PARN: variants seen among roughly 807,000 people sequenced by gnomAD.
The protein encoded by PARN is poly(A)-specific ribonuclease PARN.
A neutral mutation model predicts 102.8 loss-of-function variants in PARN; 71 were observed. The observed-to-expected ratio is 0.69, with a 90% CI of 0.57 to 0.84. PARN has a LOEUF of 0.84. Among genes scored for constraint, PARN ranks in the 40% least tolerant of loss-of-function variants. The pLI is 0.00. For synonymous variants in PARN, 261 were observed against 252.9 expected (o/e 1.03, Z -0.30); for missense variants, 782 against 760.9 (o/e 1.03, Z -0.33).
At chr16:14,497,499 T>G (rs568679824) in intron 21 of PARN, among the ~76,000 whole-genome samples, 1 of 152,294 alleles carries the variant, frequency 6.6e-6, no homozygotes, top group African/African-American at 2.4e-5. Context: ...ACCACCTGCA[T>G]CAAGACAACA....
chr16:14,443,964 G>A (rs1244050485), intron 23 of PARN, among the ~76,000 whole-genome samples: 12 of 152,178 alleles, frequency 7.9e-5, no homozygotes, highest in East Asian at 1.9e-4. Context: ...GCCACCACCC[G>A]AACCAGACCT....
intron 21 of PARN, among the ~76,000 whole-genome samples, chr16:14,512,632 G>A (rs1486162368): frequency 2.0e-5 from 3 of 152,160 alleles, no homozygotes; most frequent in East Asian, 1.9e-4. Flanking sequence ...CTTCAGCTTC[G>A]TTTTACTCAG....
intron 21 of PARN, among the ~76,000 whole-genome samples, chr16:14,497,978 G>T (rs1175001825): frequency 6.6e-6 from 1 of 152,094 alleles, no homozygotes; most frequent in African/African-American, 2.4e-5. Context: ...ACAGAAATGA[G>T]CTGGGTGTGG....
intron 22 of PARN, among the ~76,000 whole-genome samples, chr16:14,463,844 G>C (rs536970952): frequency 8.4e-5 from 12 of 142,720 alleles, no homozygotes; most frequent in Admixed American, 2.7e-4. Context: ...TTTTTGGGGG[G>C]GGGGGGACGA....
intron 23 of PARN, among the ~76,000 whole-genome samples, chr16:14,446,643 G>C (rs761830205): frequency 2.2e-4 from 34 of 152,126 alleles, no homozygotes; most frequent in Non-Finnish European, 4.4e-4. Context: ...AGGAGAGAGA[G>C]ATTACCAAAA....
chr16:14,480,426 A>C (rs1284708580), intron 22 of PARN, among the ~76,000 whole-genome samples: 2 of 152,248 alleles, frequency 1.3e-5, no homozygotes, highest in African/African-American at 4.8e-5. Flanking sequence ...CACGTGCAGC[A>C]AAAATATCTG....
At chr16:14,537,423 G>C (rs553205356) in intron 21 of PARN, among the ~76,000 whole-genome samples, 1 of 152,230 alleles carries the variant, frequency 6.6e-6, no homozygotes, top group Non-Finnish European at 1.5e-5. Flanking sequence ...ATACAATTCA[G>C]CAATCCCACT....
chr16:14,588,584 A>C (rs1969993437), intron 13 of PARN, among the ~76,000 whole-genome samples: 2 of 152,200 alleles, frequency 1.3e-5, no homozygotes, highest in African/African-American at 4.8e-5. Context: ...CATTGCTTTA[A>C]AGATCAAAAA....
chr16:14,546,642 C>G (rs919949806), intron 21 of PARN, among the ~76,000 whole-genome samples: 15 of 152,100 alleles, frequency 9.9e-5, no homozygotes, highest in Admixed American at 5.2e-4. Context: ...GACACAATGT[C>G]CTACGATGCA....
chr16:14,629,410 C>T (rs1231998447), intron 2 of PARN, among the ~76,000 whole-genome samples, 187 bp downstream of exon 2: 1 of 152,226 alleles, frequency 6.6e-6, no homozygotes, highest in African/African-American at 2.4e-5. Context: ...CACAAACCTA[C>T]GGCGTATCTT....
rs1960685117 is a variant in PARN, at chr16:14,436,159, T to A, written c.*558A>T. The A allele has an allele frequency of 6.5e-6, 1 of 154,126 alleles. No homozygotes were observed. Among genetic ancestry groups the A allele is most frequent in the Non-Finnish European group, 1.4e-5 (1 of 69,192 alleles). 9.5% of individuals were successfully genotyped at this position (154,126 alleles called of 1,614,324 possible). On this transcript the variant is annotated 3_prime_UTR_variant, in exon 24 of 24. Coordinates refer to ENST00000437198, the MANE Select transcript of PARN (RefSeq NM_002582.4). ...CGGCAAGCCCTCTCATGGGTGGGCATGAGTGGACATCTTCCTGAAGGAAGG... is the reference window on the plus strand; with the variant it reads ...CGGCAAGCCCTCTCATGGGTGGGCAAGAGTGGACATCTTCCTGAAGGAAGG...
At chr16:14,477,460 C>G (rs1963128186) in intron 22 of PARN, among the ~76,000 whole-genome samples, 1 of 146,418 alleles carries the variant, frequency 6.8e-6, no homozygotes, top group African/African-American at 2.5e-5. Context: ...AAAACATAAC[C>G]CTGATACCAA....
intron 23 of PARN, among the ~76,000 whole-genome samples, chr16:14,438,449 G>GA (rs1018523381): frequency 1.3e-5 from 2 of 150,082 alleles, no homozygotes; most frequent in African/African-American, 4.9e-5. Context: ...GTTGGGGGGG[G>GA]GGGTGTGTGA....
At chr16:14,460,092 T>C in intron 22 of PARN, among the ~76,000 whole-genome samples, 1 of 152,064 alleles carries the variant, frequency 6.6e-6, no homozygotes, top group East Asian at 1.9e-4. Flanking sequence ...CATGTAGATA[T>C]AAGAAGCGTA....
chr16:14,456,650 C>T (rs1170377084), intron 22 of PARN, among the ~76,000 whole-genome samples: 1 of 152,036 alleles, frequency 6.6e-6, no homozygotes, highest in African/African-American at 2.4e-5. Context: ...ATTTTGCAGA[C>T]AAGAAACCTC....
intron 5 of PARN, among the ~76,000 whole-genome samples, chr16:14,621,082 G>A (rs187881807): frequency 1.3e-4 from 20 of 152,178 alleles, no homozygotes; most frequent in East Asian, 1.9e-4. Flanking sequence ...CACTTCCATC[G>A]TGTCCAGGCT....
At chr16:14,571,147 G>T (rs1225130063) in intron 18 of PARN, among the ~76,000 whole-genome samples, 1 of 152,068 alleles carries the variant, frequency 6.6e-6, no homozygotes. Flanking sequence ...ACTTTGGGAG[G>T]CTAGGGTGGG....
intron 18 of PARN, among the ~76,000 whole-genome samples, chr16:14,578,331 C>CAAAA (rs1199897215): frequency 8.9e-4 from 40 of 44,842 alleles, no homozygotes; most frequent in Admixed American, 1.7e-3. Context: ...TCTGTCTCAC[C>CAAAA]AAAAAAAAAA....
At chr16:14,460,688 T>C (rs1190813966) in intron 22 of PARN, among the ~76,000 whole-genome samples, 1 of 152,250 alleles carries the variant, frequency 6.6e-6, no homozygotes, top group Non-Finnish European at 1.5e-5. Context: ...TACACTGCAA[T>C]TTAAAGCATC....
Sources: allele counts gnomAD v4.1 joint callset (sites outside exome capture counted in the v4.1 genomes callset), GRCh38; gene constraint gnomAD v4.1.1; transcripts MANE v1.5; gene names NCBI Gene and HGNC (gene_info 2026-07-23, HGNC 2026-07-21).